Variants in GABRB1 observed in about 807,000 individuals in gnomAD.
GABRB1 encodes gamma-aminobutyric acid receptor subunit beta-1.
GABRB1 carries 17 observed loss-of-function variants against 51.6 expected under a neutral mutation model. That is an observed-to-expected ratio of 0.33 (90% CI 0.23 to 0.49). GABRB1 has a LOEUF of 0.49. Ranked by LOEUF, GABRB1 falls within the 20% of genes least tolerant of loss-of-function variation. GABRB1 has a pLI of 0.99. For synonymous variants in GABRB1, 247 were observed against 218.9 expected, an observed-to-expected ratio of 1.13 and a Z score of -1.14; for missense variants, 410 against 600.6, an observed-to-expected ratio of 0.68 and a Z score of 3.32.
At chr4:47,110,938 T>C (rs1394997896) in intron 3 of GABRB1, among the ~76,000 whole-genome samples, 1 of 152,174 alleles carries the variant, frequency 6.6e-6, no homozygotes, top group Non-Finnish European at 1.5e-5. Context: ...AGTTTCACTA[T>C]GAGGCAAGTG....
At chr4:47,392,999 A>G (rs1317774335) in intron 5 of GABRB1, among the ~76,000 whole-genome samples, 2 of 152,208 alleles carry the variant, frequency 1.3e-5, no homozygotes, top group African/African-American at 4.8e-5. Flanking sequence ...GGTTGTGGCT[A>G]TAATTTAGTT....
chr4:47,350,700 C>T (rs1050310523), intron 5 of GABRB1, among the ~76,000 whole-genome samples: 2 of 151,962 alleles, frequency 1.3e-5, no homozygotes, highest in Non-Finnish European at 2.9e-5. Context: ...AGCACATATA[C>T]CACCCAGAAA....
At chr4:47,406,950 A>G (rs766966325) in intron 8 of GABRB1, 24 bp downstream of exon 8, 61 of 1,600,622 alleles carry the variant, frequency 3.8e-5, no homozygotes, top group Non-Finnish European at 5.0e-5. Context: ...TATTCCTAAC[A>G]ATATTCTTGT....
At chr4:47,199,083 C>T (rs1560581953) in intron 4 of GABRB1, among the ~76,000 whole-genome samples, 1 of 152,068 alleles carries the variant, frequency 6.6e-6, no homozygotes. Context: ...CAGAGCCAAA[C>T]CATATCAATT....
chr4:47,264,918 T>A (rs1722590396), intron 4 of GABRB1, among the ~76,000 whole-genome samples: 1 of 152,256 alleles, frequency 6.6e-6, no homozygotes, highest in Admixed American at 6.5e-5. Flanking sequence ...CACTATGTGC[T>A]TTCTGTGATT....
At chr4:47,328,517 C>A (rs1725339581) in intron 5 of GABRB1, among the ~76,000 whole-genome samples, 1 of 152,090 alleles carries the variant, frequency 6.6e-6, no homozygotes, top group African/African-American at 2.4e-5. Flanking sequence ...GGAACCAACC[C>A]AAATGTCCAA....
chr4:47,280,218 A>T (rs1402175146), intron 4 of GABRB1, among the ~76,000 whole-genome samples: 3 of 151,940 alleles, frequency 2.0e-5, no homozygotes, highest in Non-Finnish European at 2.9e-5. Context: ...TTATACTAAT[A>T]GCAGGCTATT....
intron 4 of GABRB1, among the ~76,000 whole-genome samples, chr4:47,246,359 T>C (rs1479061843): frequency 5.1e-4 from 14 of 27,430 alleles, no homozygotes; most frequent in African/African-American, 2.0e-3. Flanking sequence ...TATATATATA[T>C]ATATATATAT....
At chr4:47,270,608 C>T (rs1428512783) in intron 4 of GABRB1, among the ~76,000 whole-genome samples, 1 of 152,188 alleles carries the variant, frequency 6.6e-6, no homozygotes, top group Admixed American at 6.5e-5. Flanking sequence ...AAGCTAGGAT[C>T]ATGCCTTCTT....
At chr4:47,256,661 A>G (rs1028641002) in intron 4 of GABRB1, among the ~76,000 whole-genome samples, 18 of 152,300 alleles carry the variant, frequency 1.2e-4, no homozygotes, top group African/African-American at 3.8e-4. Context: ...AGAAGCAGGC[A>G]TATTTTCACA....
At chr4:47,256,055 G>A (rs1438736017) in intron 4 of GABRB1, among the ~76,000 whole-genome samples, 3 of 152,226 alleles carry the variant, frequency 2.0e-5, no homozygotes, top group Non-Finnish European at 4.4e-5. Context: ...GAATTAGGGA[G>A]TGGGAAATCT....
chr4:47,271,091 G>C (rs1358261193), intron 4 of GABRB1, among the ~76,000 whole-genome samples: 1 of 152,020 alleles, frequency 6.6e-6, no homozygotes, highest in Non-Finnish European at 1.5e-5. Context: ...TTTCTGACAT[G>C]TCATCAACAC....
chr4:47,380,795 T>A, intron 5 of GABRB1, among the ~76,000 whole-genome samples: 1 of 152,198 alleles, frequency 6.6e-6, no homozygotes, highest in East Asian at 1.9e-4. Flanking sequence ...GACTTCATAA[T>A]CTCTGTACTT....
intron 1 of GABRB1, among the ~76,000 whole-genome samples, chr4:47,024,040 T>C (rs1725011193): frequency 6.6e-6 from 1 of 152,018 alleles, no homozygotes; most frequent in African/African-American, 2.4e-5. Context: ...AATCTTCTAC[T>C]GTGCCATTCA....
chr4:47,358,405 AGAGAGAGAGAGAGT>A (rs1233070484), intron 5 of GABRB1, among the ~76,000 whole-genome samples: 2 of 150,318 alleles, frequency 1.3e-5, no homozygotes, highest in Admixed American at 6.6e-5. Context: ...ATATATATAT[AGAGAGAGAGAGAGT>A]GAGAGAGAGA....
At chr4:47,404,682 GT>G (rs1283674548) in intron 7 of GABRB1, among the ~76,000 whole-genome samples, 4 of 152,176 alleles carry the variant, frequency 2.6e-5, no homozygotes, top group Non-Finnish European at 4.4e-5. Flanking sequence ...AAAGTCAAGT[GT>G]TTGCAGCCCC....
chr4:47,415,681 A>T (rs1728894891), intron 8 of GABRB1, among the ~76,000 whole-genome samples: 1 of 152,226 alleles, frequency 6.6e-6, no homozygotes, highest in South Asian at 2.1e-4. Flanking sequence ...GTAGAATGGA[A>T]TCAGACAGGT....
At chr4:47,093,974 A>G (rs572378709) in intron 3 of GABRB1, among the ~76,000 whole-genome samples, 2 of 151,814 alleles carry the variant, frequency 1.3e-5, no homozygotes, top group South Asian at 4.2e-4. Context: ...TTGAAAAGTG[A>G]TCACTACTGC....
At chr4:47,358,673 CTCTGCAAAGACCCTA>C (rs1395867490) in intron 5 of GABRB1, among the ~76,000 whole-genome samples, 1 of 152,066 alleles carries the variant, frequency 6.6e-6, no homozygotes, top group Non-Finnish European at 1.5e-5. Context: ...ACTTAATTAC[CTCTGCAAAGACCCTA>C]TCTCCAAACA....
Sources: allele counts gnomAD v4.1 joint callset (sites outside exome capture counted in the v4.1 genomes callset), GRCh38; gene constraint gnomAD v4.1.1; transcripts MANE v1.5; gene names NCBI Gene and HGNC (gene_info 2026-07-23, HGNC 2026-07-21).